Variants in RBFOX1 observed in about 807,000 individuals in gnomAD.
The protein encoded by RBFOX1 is RNA binding protein fox-1 homolog 1.
In RBFOX1, 8 loss-of-function variants were observed where a neutral mutation model predicts 57.7. The ratio of observed to expected loss-of-function variants is 0.14; its 90% CI spans 0.08 to 0.25. The LOEUF (loss-of-function observed/expected upper bound fraction) is 0.25, where lower values mean the gene tolerates loss of function less well. Among genes scored for constraint, RBFOX1 ranks in the 10% least tolerant of loss-of-function variants. RBFOX1 has a pLI of 1.00. For synonymous variants in RBFOX1, 326 were observed against 222.4 expected (o/e 1.47, Z -4.15); for missense variants, 611 against 548.5 (o/e 1.11, Z -1.14).
chr16:6,500,846 A>G (rs2095888911), intron 2 of RBFOX1, among the ~76,000 whole-genome samples: 1 of 125,152 alleles, frequency 8.0e-6, no homozygotes, highest in African/African-American at 3.0e-5. Context: ...CATTAAGATC[A>G]TTGTCTTTTA....
intron 3 of RBFOX1, among the ~76,000 whole-genome samples, chr16:7,042,841 A>C (rs1330321424): frequency 6.6e-6 from 1 of 152,240 alleles, no homozygotes; most frequent in East Asian, 1.9e-4. Flanking sequence ...CAGGAGAATC[A>C]CTTGAACCTG....
At chr16:6,532,134 C>G (rs1421415373) in intron 2 of RBFOX1, among the ~76,000 whole-genome samples, 1 of 152,138 alleles carries the variant, frequency 6.6e-6, no homozygotes, top group African/African-American at 2.4e-5. Context: ...ACCTCCCCTT[C>G]TTGAGCTCAC....
At chr16:6,626,201 C>G (rs966979522) in intron 2 of RBFOX1, among the ~76,000 whole-genome samples, 21 of 151,108 alleles carry the variant, frequency 1.4e-4, no homozygotes, top group African/African-American at 5.1e-4. Flanking sequence ...TTCTGCTGTC[C>G]ATCAGATTGA....
chr16:7,245,389 G>A (rs2094249591), intron 4 of RBFOX1, among the ~76,000 whole-genome samples: 1 of 152,062 alleles, frequency 6.6e-6, no homozygotes, highest in Admixed American at 6.6e-5. Context: ...AGGTAAACAT[G>A]TGCCATGGTT....
intron 4 of RBFOX1, among the ~76,000 whole-genome samples, chr16:5,888,971 G>T (rs868714369): frequency 4.6e-5 from 7 of 152,106 alleles, no homozygotes; most frequent in African/African-American, 7.2e-5. Flanking sequence ...GGGCTGTGAG[G>T]TTCCCTTTGT....
rs2084085274 is a variant in RBFOX1, at chr16:7,712,108, G to A, written c.*1363G>A. 6.5e-6 allele frequency: 1 copy of A among 152,722 alleles called. No individual in the cohort carries two copies. The highest frequency in any genetic ancestry group is 1.9e-4 in the East Asian group (1 of 5,174). The allele number at this position is 152,722 out of a possible 1,614,324, so 9.5% of individuals were successfully genotyped here. ...CCTTTCTCGGATGCAGGGCCAGAGT[G>A]ACACAGCCGAAAAATTGCAGTTTGT... On this transcript the variant is annotated 3_prime_UTR_variant, in exon 16 of 16. Coordinates refer to ENST00000550418, the MANE Select transcript of RBFOX1 (RefSeq NM_018723.4).
chr16:7,504,756 TA>T (rs2072490187), intron 4 of RBFOX1, among the ~76,000 whole-genome samples: 2 of 87,660 alleles, frequency 2.3e-5, no homozygotes, highest in East Asian at 7.5e-4. Flanking sequence ...TATATATATT[TA>T]TATATATATA....
intron 3 of RBFOX1, among the ~76,000 whole-genome samples, chr16:7,001,544 C>T (rs1170718162): frequency 6.6e-6 from 1 of 152,076 alleles, no homozygotes; most frequent in Non-Finnish European, 1.5e-5. Flanking sequence ...GCAACCTCCG[C>T]CTCCCGGGTT....
intron 2 of RBFOX1, among the ~76,000 whole-genome samples, chr16:6,491,560 A>T (rs941628379): frequency 2.6e-5 from 4 of 152,220 alleles, no homozygotes; most frequent in Admixed American, 6.5e-5. Context: ...TTCAGTATAT[A>T]GAATTGCACA....
intron 1 of RBFOX1, among the ~76,000 whole-genome samples, chr16:5,304,867 T>G (rs2063895118): frequency 2.0e-5 from 3 of 152,208 alleles, no homozygotes; most frequent in Admixed American, 2.0e-4. Flanking sequence ...GAGAAATGTT[T>G]TCATTTGCAT....
intron 5 of RBFOX1, among the ~76,000 whole-genome samples, chr16:7,534,326 C>G (rs968050279): frequency 6.6e-6 from 1 of 151,940 alleles, no homozygotes; most frequent in Non-Finnish European, 1.5e-5. Flanking sequence ...CTCCTGGCCT[C>G]AGGTGATCCG....
intron 3 of RBFOX1, among the ~76,000 whole-genome samples, chr16:6,918,447 G>A (rs2073745272): frequency 6.6e-6 from 1 of 152,112 alleles, no homozygotes; most frequent in African/African-American, 2.4e-5. Flanking sequence ...CTTCATACAT[G>A]CAGAGTAAAA....
intron 3 of RBFOX1, among the ~76,000 whole-genome samples, chr16:6,956,465 C>A (rs1012851733): frequency 2.0e-5 from 3 of 152,086 alleles, no homozygotes; most frequent in Admixed American, 1.3e-4. Flanking sequence ...GCTTTGTCAT[C>A]GTCTTCTCAA....
chr16:6,976,105 C>T (rs774127452), intron 3 of RBFOX1, among the ~76,000 whole-genome samples: 4 of 151,424 alleles, frequency 2.6e-5, no homozygotes, highest in Admixed American at 1.3e-4. Flanking sequence ...TCAGCCTGGG[C>T]GACAGAGTGA....
At chr16:7,140,157 CCTCTCTCTCTCTCTCTCTCTCTCT>C (rs57128710) in intron 4 of RBFOX1, among the ~76,000 whole-genome samples, 3 of 70,866 alleles carry the variant, frequency 4.2e-5, no homozygotes, top group African/African-American at 1.8e-4. Flanking sequence ...TCCTTCTCTC[CCTCTCTCTCTCTCTCTCTCTCTCT>C]CTCTCTCTCT....
intron 4 of RBFOX1, among the ~76,000 whole-genome samples, chr16:7,234,237 A>G (rs922384566): frequency 6.6e-6 from 1 of 151,986 alleles, no homozygotes; most frequent in Non-Finnish European, 1.5e-5. Context: ...GGCAGAGGTT[A>G]CTCAGGCCAG....
At chr16:7,113,453 C>A (rs1174924354) in intron 4 of RBFOX1, among the ~76,000 whole-genome samples, 3 of 152,116 alleles carry the variant, frequency 2.0e-5, no homozygotes, top group African/African-American at 7.2e-5. Flanking sequence ...TGACAATATC[C>A]TCCCACTTCC....
chr16:7,511,222 G>A (rs888895666), intron 4 of RBFOX1, among the ~76,000 whole-genome samples: 2 of 152,114 alleles, frequency 1.3e-5, no homozygotes, highest in Non-Finnish European at 2.9e-5. Flanking sequence ...GTTGAAATAC[G>A]GTTTACCTTC....
chr16:5,515,825 G>C (rs956577496), intron 2 of RBFOX1, among the ~76,000 whole-genome samples: 11 of 152,126 alleles, frequency 7.2e-5, no homozygotes, highest in African/African-American at 1.4e-4. Context: ...GATGCGTAAG[G>C]CTCCCTAAGT....
Sources: gnomAD v4.1 joint callset for allele counts (sites outside exome capture counted in the v4.1 genomes callset) on GRCh38, gnomAD v4.1.1 for gene constraint, MANE v1.5 for transcripts, NCBI Gene and HGNC (gene_info 2026-07-23, HGNC 2026-07-21) for gene names.